The following MVB12B variants were observed in gnomAD, a reference collection of about 807,000 sequenced individuals.
MVB12B encodes the protein multivesicular body subunit 12B, also known as ESCRT-I complex subunit MVB12B.
In MVB12B, 16 loss-of-function variants were observed where a neutral mutation model predicts 41.6. The observed-to-expected ratio is 0.38, with a 90% CI of 0.26 to 0.58. The LOEUF is 0.58. Ranked by LOEUF, MVB12B falls within the 20% of genes least tolerant of loss-of-function variation. The pLI, the probability that MVB12B is intolerant of heterozygous loss-of-function variation, is 0.62. For synonymous variants in MVB12B, 133 were observed against 139.7 expected, an observed-to-expected ratio of 0.95 and a Z score of 0.34; for missense variants, 274 against 380.2, an observed-to-expected ratio of 0.72 and a Z score of 2.32.
Position 126,326,973 on chromosome 9 carries a change from C to A in MVB12B, c.44C>A (p.Pro15Gln). Residue 15 changes from proline (P) to glutamine (Q), a missense_variant, in exon 1 of 10, where the codon CCG (proline) becomes CAG (glutamine). By Grantham distance (76) the Pro-to-Gln change is moderately conservative. Transcript: ENST00000361171. ...FCVRRSRDPP[P>Q]PQPPPPPPQR... is the part of the protein sequence containing the mutation. ...GTGAGACGGAGCCGGGACCCGCCGC[C>A]GCCGCAGCCACCGCCGCCGCCGCCC... 1 of 262,082 alleles carries A rather than the reference C, an allele frequency of 3.8e-6. No homozygotes were observed. The allele number at this position is 262,082 out of a possible 1,614,324, so 16.2% of individuals were successfully genotyped here.
At chr9:126,439,026 TGAG>T (rs1435644470) in intron 7 of MVB12B, among the ~76,000 whole-genome samples, 2 of 151,966 alleles carry the variant, frequency 1.3e-5, no homozygotes, top group Non-Finnish European at 2.9e-5. Context: ...TGAACAGACT[TGAG>T]GAGGATTTGG....
intron 7 of MVB12B, among the ~76,000 whole-genome samples, chr9:126,444,289 C>T (rs1278837260): frequency 1.3e-5 from 2 of 152,028 alleles, no homozygotes; most frequent in East Asian, 3.8e-4. Flanking sequence ...AAATTGTCCC[C>T]CGTAATGGTT....
intron 1 of MVB12B, among the ~76,000 whole-genome samples, chr9:126,337,062 T>C (rs1378607156): frequency 6.6e-6 from 1 of 152,206 alleles, no homozygotes; most frequent in Non-Finnish European, 1.5e-5. Flanking sequence ...CTGAAAAATT[T>C]CAACATTTGT....
chr9:126,481,122 C>T, intron 7 of MVB12B: 1 of 528,812 alleles, frequency 1.9e-6, no homozygotes, highest in South Asian at 2.4e-5. Context: ...GCTCCTAGAG[C>T]TCTTGTCTAC....
chr9:126,442,680 G>A (rs1367709852), intron 7 of MVB12B, among the ~76,000 whole-genome samples: 2 of 152,150 alleles, frequency 1.3e-5, no homozygotes, highest in East Asian at 3.9e-4. Context: ...TGAAAGAGCA[G>A]GTCCCAACTG....
In MVB12B at chr9:126,391,169, C is replaced by G. The variant is rs1332865499; in HGVS notation, c.410-897C>G. Among the ~76,000 whole-genome samples the G allele has an allele frequency of 3.3e-5, 5 of 152,174 alleles. No individual in the cohort carries two copies. Among genetic ancestry groups the G allele is most frequent in the Non-Finnish European group, 7.3e-5 (5 of 68,028 alleles). On this transcript the variant is annotated intron_variant, in intron 4 of 9. Coordinates refer to ENST00000361171, the MANE Select transcript of MVB12B (RefSeq NM_033446.3). This position sits in a 1 kb window ranked among gnomAD's most constrained non-coding sequence, Gnocchi z 4.4. ...ACTCTGGGCCTCACTATATGACAGCCTAGACTTACGTGTACCCCGGACGGC... is the reference window on the plus strand; with the variant it reads ...ACTCTGGGCCTCACTATATGACAGCGTAGACTTACGTGTACCCCGGACGGC...
intron 7 of MVB12B, among the ~76,000 whole-genome samples, chr9:126,437,734 A>G (rs1342686949): frequency 2.6e-5 from 4 of 152,232 alleles, no homozygotes; most frequent in Admixed American, 6.5e-5. Context: ...TATTACTTGT[A>G]TAATTTCTGA....
At position 126,493,156 on chromosome 9, in the gene MVB12B, A is replaced by G. The variant is rs75437618; in HGVS notation, c.873+9124A>G. The stretch of plus-strand genomic sequence containing the variant: ...TATTTGGGCTTTGTGTCATAGTTAG[A>G]TTATGAAAACATTCACCCCTGTTTT... On this transcript the variant is annotated intron_variant, in intron 9 of 9. Coordinates refer to ENST00000361171, the MANE Select transcript of MVB12B (RefSeq NM_033446.3). Among the ~76,000 whole-genome samples the G allele has an allele frequency of 8.6e-3, 1,307 of 152,228 alleles. 11 individuals carry two copies. The highest frequency in any genetic ancestry group is 0.025 in the African/African-American group (1,020 of 41,550).
chr9:126,361,498 T>C (rs1830028841), intron 2 of MVB12B, among the ~76,000 whole-genome samples: 1 of 152,212 alleles, frequency 6.6e-6, no homozygotes, highest in Non-Finnish European at 1.5e-5. Context: ...GTTATCCCTA[T>C]GGTACTATTT....
At chr9:126,481,628 G>A (rs909225687) in intron 8 of MVB12B, among the ~76,000 whole-genome samples, 1 of 152,150 alleles carries the variant, frequency 6.6e-6, no homozygotes, top group Non-Finnish European at 1.5e-5. Context: ...TTGGGGGGTG[G>A]GTCGTGTGCA....
intron 2 of MVB12B, among the ~76,000 whole-genome samples, chr9:126,353,147 A>T (rs1829797563): frequency 6.6e-6 from 1 of 152,194 alleles, no homozygotes. Flanking sequence ...GGAAGGGGAG[A>T]TGAGACTGGA....
rs267602133 is a variant in MVB12B, at chr9:126,421,862, C to T, written c.671C>T (p.Ser224Phe). The part of the protein sequence containing the change: ...TPAPNLPRHI[S>F]LTLPATFRGR... ...GTCCTTCTCTTCCTCAGGCACATCT[C>T]CCTAACACTTCCTGCCACCTTCCGA... Residue 224 changes from serine to phenylalanine, a missense_variant, in exon 7 of 10, where the codon TCC becomes TTC. By Grantham distance (155) the Ser-to-Phe change is radical. Transcript: ENST00000361171. The T allele has an allele frequency of 6.2e-7, 1 of 1,613,498 alleles. No homozygotes were observed. Among genetic ancestry groups the T allele is most frequent in the African/African-American group, 1.3e-5 (1 of 74,902 alleles).
Position 126,481,425 on chromosome 9 carries a change from G to A in MVB12B, c.813+1G>A. ...GAAGTTTTCTTGTGTTCCAGAAAGT[G>A]TAAGTTTTATGCATGATCGCCCTTC... On this transcript the variant is annotated splice_donor_variant, in intron 8 of 9. Transcript: ENST00000361171. LOFTEE classifies it high-confidence loss of function. 6.2e-7 allele frequency: 1 copy of A among 1,612,556 alleles called. No homozygotes were observed. Among genetic ancestry groups the A allele is most frequent in the Non-Finnish European group, 8.5e-7 (1 of 1,178,626 alleles).
chr9:126,332,786 TTTTG>T (rs1301196381), intron 1 of MVB12B, among the ~76,000 whole-genome samples: 4 of 151,738 alleles, frequency 2.6e-5, no homozygotes, highest in Non-Finnish European at 5.9e-5. Context: ...AGGATAGGAA[TTTTG>T]TTTGTTTATC....
intron 1 of MVB12B, among the ~76,000 whole-genome samples, chr9:126,336,972 G>A (rs1338692739): frequency 2.0e-5 from 3 of 152,220 alleles, no homozygotes; most frequent in African/African-American, 7.2e-5. Flanking sequence ...GGTCCAGTCT[G>A]AGTCCCTGGC....
At chr9:126,396,764 A>G (rs1298748295) in intron 6 of MVB12B, 2 of 985,324 alleles carry the variant, frequency 2.0e-6, no homozygotes, top group African/African-American at 3.5e-5. Flanking sequence ...TTTAAACTTA[A>G]CTACCCCTGG....
chr9:126,477,114 T>A (rs1833438551), intron 7 of MVB12B, among the ~76,000 whole-genome samples: 2 of 152,078 alleles, frequency 1.3e-5, no homozygotes, highest in Admixed American at 6.5e-5. Flanking sequence ...CCAGGAAGCT[T>A]CCAGTCATGG....
At chr9:126,327,248 G>C in intron 1 of MVB12B, 1 of 984,788 alleles carries the variant, frequency 1.0e-6, no homozygotes, top group South Asian at 4.7e-5. Flanking sequence ...CGAGAGGCGG[G>C]AGAAGCTGGG....
rs192426677 is a variant in MVB12B, at chr9:126,404,361, A to G, written c.662+8664A>G. On this transcript the variant is annotated intron_variant, in intron 6 of 9. Coordinates refer to ENST00000361171, the MANE Select transcript of MVB12B (RefSeq NM_033446.3). ...GAGGTTAAATCCCTTGCCCAAGGTC[A>G]TACAGTTAGCAAGTGTCAGGGCTAG... 2.1e-3 allele frequency among the ~76,000 whole-genome samples: 316 copies of G among 152,348 alleles called. 1 individual carries two copies. Among genetic ancestry groups the G allele is most frequent in the African/African-American group, 7.4e-3 (307 of 41,584 alleles).
Sources: gnomAD v4.1 joint callset for allele counts (sites outside exome capture counted in the v4.1 genomes callset) on GRCh38, gnomAD v4.1.1 for gene constraint, Gnocchi (gnomAD v3.1) non-coding constraint, MANE v1.5 for transcripts, NCBI Gene and HGNC (gene_info 2026-07-23, HGNC 2026-07-21) for gene names.